Variants in ZNF385D observed in about 807,000 individuals in gnomAD.
ZNF385D encodes zinc finger protein 385D.
ZNF385D carries 15 observed loss-of-function variants against 35.8 expected under a neutral mutation model. The ratio of observed to expected loss-of-function variants is 0.42; its 90% confidence interval spans 0.28 to 0.64. The LOEUF (loss-of-function observed/expected upper bound fraction) is 0.64. ZNF385D is among the 30% of genes least tolerant of loss of function. The pLI is 0.23. For synonymous variants in ZNF385D, 212 were observed against 186.8 expected, an observed-to-expected ratio of 1.13 and a Z score of -1.10; for missense variants, 474 against 494.6, an observed-to-expected ratio of 0.96 and a Z score of 0.39.
chr3:22,106,652 C>T lies in ZNF385D; in HGVS notation c.325+62165G>A, dbSNP rs542507247. Among the ~76,000 whole-genome samples, 16 of 152,258 alleles carry T rather than the reference C, an allele frequency of 1.1e-4. No individual in the cohort carries two copies. In the South Asian group the frequency reaches 2.7e-3, roughly 26 times the overall value. ...AGAAAGCCAAGCCGTCAACCTGAGGCCAGTTGGCTGAAGGCCTGACCTCTT... is the reference window on the plus strand; with the variant it reads ...AGAAAGCCAAGCCGTCAACCTGAGGTCAGTTGGCTGAAGGCCTGACCTCTT... On this transcript the variant is annotated intron_variant, in intron 3 of 5. Transcript: ENST00000494108.
At chr3:21,525,321 C>T (rs950153708) in intron 3 of ZNF385D, among the ~76,000 whole-genome samples, 2 of 151,764 alleles carry the variant, frequency 1.3e-5, no homozygotes, top group African/African-American at 4.8e-5. Flanking sequence ...CTGCATTTGG[C>T]GTGTATTTTT....
At chr3:22,079,824 G>A (rs914181433) in intron 3 of ZNF385D, among the ~76,000 whole-genome samples, 8 of 151,740 alleles carry the variant, frequency 5.3e-5, no homozygotes, top group South Asian at 2.1e-4. Context: ...AAAGACATAC[G>A]TATGAAATGC....
intron 1 of ZNF385D, among the ~76,000 whole-genome samples, chr3:21,679,465 T>TC (rs1165624478): frequency 6.6e-6 from 1 of 152,112 alleles, no homozygotes; most frequent in East Asian, 1.9e-4. Flanking sequence ...TTAATTTTTT[T>TC]CTATGGTGTC....
At chr3:22,335,296 T>C (rs1367040515) in intron 2 of ZNF385D, among the ~76,000 whole-genome samples, 1 of 152,154 alleles carries the variant, frequency 6.6e-6, no homozygotes, top group Non-Finnish European at 1.5e-5. Context: ...GATCATTCTG[T>C]AATGTCTGAA....
intron 2 of ZNF385D, among the ~76,000 whole-genome samples, chr3:22,329,062 G>A (rs1358997434): frequency 7.5e-6 from 1 of 133,198 alleles, no homozygotes; most frequent in South Asian, 2.4e-4. Flanking sequence ...GGGCGACAGA[G>A]CGAGACTCCG....
intron 1 of ZNF385D, among the ~76,000 whole-genome samples, chr3:21,719,609 T>G (rs1415948591): frequency 3.3e-5 from 5 of 152,190 alleles, no homozygotes; most frequent in Admixed American, 3.3e-4. Context: ...AACAAGCATG[T>G]ATAGCTACTG....
At chr3:22,332,158 G>C (rs1299611490) in intron 2 of ZNF385D, among the ~76,000 whole-genome samples, 1 of 152,130 alleles carries the variant, frequency 6.6e-6, no homozygotes. Context: ...ACAAGACCTG[G>C]TTGTTTTATG....
intron 2 of ZNF385D, among the ~76,000 whole-genome samples, chr3:22,212,532 A>C (rs1468649987): frequency 6.6e-6 from 1 of 151,968 alleles, no homozygotes; most frequent in Admixed American, 6.6e-5. Context: ...TCTTGGAATT[A>C]ATATGTCTCT....
chr3:21,870,020 C>T (rs1355515463), intron 3 of ZNF385D, among the ~76,000 whole-genome samples: 1 of 151,580 alleles, frequency 6.6e-6, no homozygotes, highest in Non-Finnish European at 1.5e-5. Context: ...TTTTAAAAAA[C>T]AACTTTCTCA....
At chr3:21,512,192 T>A (rs995036328) in intron 3 of ZNF385D, among the ~76,000 whole-genome samples, 7 of 151,472 alleles carry the variant, frequency 4.6e-5, no homozygotes, top group Non-Finnish European at 1.0e-4. Context: ...AAAGTCATAT[T>A]TAAATAAATG....
chr3:22,001,534 T>A (rs1209315173), intron 3 of ZNF385D, among the ~76,000 whole-genome samples: 1 of 152,108 alleles, frequency 6.6e-6, no homozygotes, highest in Non-Finnish European at 1.5e-5. Context: ...AATTTCAATT[T>A]TAGTTGGGTA....
chr3:21,857,029 C>T (rs1256829661), intron 3 of ZNF385D, among the ~76,000 whole-genome samples: 1 of 151,988 alleles, frequency 6.6e-6, no homozygotes, highest in Non-Finnish European at 1.5e-5. Flanking sequence ...AGCAGAAATG[C>T]AATTTCTAGG....
chr3:22,239,960 C>A (rs960734224), intron 2 of ZNF385D, among the ~76,000 whole-genome samples: 1 of 149,516 alleles, frequency 6.7e-6, no homozygotes, highest in East Asian at 2.0e-4. Flanking sequence ...GTGGATCACT[C>A]GAGTCTAGGA....
intron 2 of ZNF385D, among the ~76,000 whole-genome samples, chr3:21,570,048 AAAGTAT>A (rs1279360628): frequency 1.3e-5 from 2 of 150,104 alleles, no homozygotes; most frequent in East Asian, 1.9e-4. Context: ...CCTAAAACTT[AAAGTAT>A]AATAATAATA....
intron 3 of ZNF385D, among the ~76,000 whole-genome samples, chr3:22,121,231 G>A (rs2125665478): frequency 6.6e-6 from 1 of 152,106 alleles, no homozygotes; most frequent in East Asian, 1.9e-4. Context: ...GTAAATAATT[G>A]ACCAGCCAAG....
chr3:22,216,148 A>G (rs146556545), intron 2 of ZNF385D, among the ~76,000 whole-genome samples: 103 of 152,094 alleles, frequency 6.8e-4, no homozygotes, highest in Non-Finnish European at 1.3e-3. Context: ...TCTGAAACAG[A>G]TATTTCAGGA....
intron 1 of ZNF385D, among the ~76,000 whole-genome samples, chr3:21,689,468 G>A (rs562422830): frequency 6.6e-6 from 1 of 152,178 alleles, no homozygotes; most frequent in Non-Finnish European, 1.5e-5. Context: ...AACTTGAAAA[G>A]GGTGGACTTG....
intron 1 of ZNF385D, among the ~76,000 whole-genome samples, chr3:21,671,065 G>C (rs1252146543): frequency 1.3e-5 from 2 of 152,004 alleles, no homozygotes; most frequent in African/African-American, 4.8e-5. Flanking sequence ...AGGTCCCACG[G>C]AGAGGCATAA....
chr3:21,820,214 T>C (rs932413085), intron 3 of ZNF385D, among the ~76,000 whole-genome samples: 2 of 151,780 alleles, frequency 1.3e-5, no homozygotes, highest in Non-Finnish European at 3.0e-5. Context: ...TTTATTCTAG[T>C]CAATAAAATC....
Sources: allele counts gnomAD v4.1 joint callset (sites outside exome capture counted in the v4.1 genomes callset), GRCh38; gene constraint gnomAD v4.1.1; transcripts MANE v1.5; gene names NCBI Gene and HGNC (gene_info 2026-07-23, HGNC 2026-07-21).